The following FAM184A variants were observed in gnomAD, a reference collection of about 807,000 sequenced individuals.
FAM184A encodes family with sequence similarity 184 member A, also known as protein FAM184A.
Under a neutral mutation model 143.8 loss-of-function variants are expected in FAM184A, and 99 were observed. That is an observed-to-expected ratio of 0.69 (90% CI 0.58 to 0.81). The LOEUF (loss-of-function observed/expected upper bound fraction) is 0.81, where lower values mean the gene tolerates loss of function less well. FAM184A is among the 40% of genes least tolerant of loss of function. The probability of loss-of-function intolerance (pLI) is 0.00; values close to 1 mark genes in which losing one functional copy is unlikely to be tolerated. For missense variants in FAM184A, 1,217 were observed against 1,310.5 expected (o/e 0.93, Z 1.10); for synonymous variants, 427 against 446.4 (o/e 0.96, Z 0.55).
chr6:119,068,700 C>A (rs1300198546), intron 1 of FAM184A, among the ~76,000 whole-genome samples: 2 of 152,250 alleles, frequency 1.3e-5, no homozygotes, highest in South Asian at 4.2e-4. Context: ...CCATGAGAAA[C>A]CTAAACCTAA....
chr6:119,144,320 C>T (rs1157293437), intron 1 of FAM184A, among the ~76,000 whole-genome samples: 4 of 139,834 alleles, frequency 2.9e-5, no homozygotes, highest in South Asian at 2.2e-4. Flanking sequence ...GGCCACAGAA[C>T]GAGACTCTGA....
chr6:119,065,727 C>G (rs1352642241), intron 1 of FAM184A, among the ~76,000 whole-genome samples: 1 of 152,244 alleles, frequency 6.6e-6, no homozygotes, highest in East Asian at 1.9e-4. Flanking sequence ...CTCCTCAGAT[C>G]TGAGATTTCT....
chr6:119,098,698 G>A (rs1045379377), intron 1 of FAM184A, among the ~76,000 whole-genome samples: 5 of 152,174 alleles, frequency 3.3e-5, no homozygotes, highest in Non-Finnish European at 7.3e-5. Flanking sequence ...CTTCCTCCAG[G>A]TCCCTCAGGA....
At chr6:119,064,437 ATAC>A (rs1284766429) in intron 1 of FAM184A, among the ~76,000 whole-genome samples, 4 of 152,318 alleles carry the variant, frequency 2.6e-5, no homozygotes, top group African/African-American at 9.6e-5. Context: ...ATGGTGGCTT[ATAC>A]CTGTAATTCC....
rs552498120 is a variant in FAM184A, at chr6:119,116,141, G to C, written c.-202+32937C>G. Among the ~76,000 whole-genome samples the C allele has an allele frequency of 2.6e-5, 4 of 152,264 alleles. No individual in the cohort carries two copies. The South Asian group carries it at 8.3e-4, about 32-fold the overall frequency. ...AATTTCCTATCAGCTCCAAAGGAGA[G>C]AGAGCATGGCTTTTTGTAATGGCTT... is the stretch of plus-strand genomic sequence containing the variant. On this transcript the variant is annotated intron_variant, in intron 1 of 16. Transcript: ENST00000352896.
At chr6:119,109,193 C>T (rs1788867339) in intron 1 of FAM184A, among the ~76,000 whole-genome samples, 2 of 152,296 alleles carry the variant, frequency 1.3e-5, no homozygotes, top group South Asian at 4.1e-4. Context: ...ACACACTGTG[C>T]CACACTATTT....
intron 1 of FAM184A, among the ~76,000 whole-genome samples, chr6:119,077,765 G>A (rs1049706333): frequency 3.9e-5 from 6 of 152,222 alleles, no homozygotes; most frequent in Non-Finnish European, 7.3e-5. Context: ...GGTAAATACG[G>A]TACTGTACTT....
chr6:119,020,225 A>C, intron 3 of FAM184A, 66 bp from the exon 4 acceptor site: 1 of 1,256,364 alleles, frequency 8.0e-7, no homozygotes, highest in East Asian at 2.6e-5. Flanking sequence ...AACAGTTTAC[A>C]TTTAATAACA....
chr6:119,003,101 G>A, intron 8 of FAM184A, 52 bp from the exon 9 acceptor site: 11 of 1,476,548 alleles, frequency 7.4e-6, no homozygotes, highest in Non-Finnish European at 1.0e-5. Context: ...TCCTTTCACT[G>A]ACTGTAATAG....
chr6:119,043,362 G>GTT (rs765489581), intron 1 of FAM184A, among the ~76,000 whole-genome samples: 132 of 152,200 alleles, frequency 8.7e-4, no homozygotes, highest in Non-Finnish European at 1.5e-3. Context: ...ATTGCTCAAG[G>GTT]TAAGAACATG....
chr6:118,974,398 A>C (rs772152278), intron 14 of FAM184A, 30 bp downstream of exon 14: 1 of 1,579,480 alleles, frequency 6.3e-7, no homozygotes, highest in Non-Finnish European at 8.6e-7. Context: ...TATTATCCAC[A>C]TATGAATTTT....
At chr6:118,997,996 T>C (rs532047824) in intron 9 of FAM184A, among the ~76,000 whole-genome samples, 45 of 152,320 alleles carry the variant, frequency 3.0e-4, no homozygotes, top group African/African-American at 1.1e-3. Flanking sequence ...ATGCTGTTTC[T>C]TAGTCTAGTC....
In FAM184A at chr6:118,979,527, A is replaced by T; in HGVS notation, c.2302-9T>A. The T allele has an allele frequency of 6.3e-7, 1 of 1,584,058 alleles. No individual in the cohort carries two copies. Among genetic ancestry groups the T allele is most frequent in the East Asian group, 2.3e-5 (1 of 44,256 alleles). On this transcript the variant is annotated splice_polypyrimidine_tract_variant and intron_variant, in intron 10 of 17. Transcript: ENST00000338891. Reference sequence around the variant, plus strand: ...AAATGATTTTCAAGAGCCTAGAACAAGACAAATTCAAATTATTATGCTAGA... The same window carrying T: ...AAATGATTTTCAAGAGCCTAGAACATGACAAATTCAAATTATTATGCTAGA...
At chr6:119,061,299 T>C (rs72953076) in intron 1 of FAM184A, among the ~76,000 whole-genome samples, 2,023 of 152,218 alleles carry the variant, frequency 0.013, 19 homozygotes, top group Non-Finnish European at 0.019. Flanking sequence ...TGTGTTCACC[T>C]GCAAAGGCCA....
At chr6:119,022,753 T>A (rs1382085612) in intron 3 of FAM184A, among the ~76,000 whole-genome samples, 192 bp downstream of exon 3, 1 of 152,070 alleles carries the variant, frequency 6.6e-6, no homozygotes, top group Non-Finnish European at 1.5e-5. Flanking sequence ...GGCGGGCACC[T>A]GTAGTCCCAG....
chr6:118,983,381 T>TA lies in FAM184A; in HGVS notation c.2089-3032dup, dbSNP rs576451584. Reference sequence around the variant, plus strand: ...TAATGTAAAACTTTAACTCAAAAGATAAAAAACCTCTGCTTTAAAAGGTTT... The same window carrying TA: ...TAATGTAAAACTTTAACTCAAAAGATAAAAAAACCTCTGCTTTAAAAGGTTT... On this transcript the variant is annotated intron_variant, in intron 9 of 17. Coordinates refer to ENST00000338891, the MANE Select transcript of FAM184A (RefSeq NM_024581.6). Among the ~76,000 whole-genome samples, 592 of 152,204 alleles carry TA rather than the reference T, an allele frequency of 3.9e-3. 3 individuals are homozygous for TA. The highest frequency in any genetic ancestry group is 5.1e-3 in the Non-Finnish European group (347 of 67,952).
chr6:119,077,877 T>C (rs77686530), intron 1 of FAM184A, among the ~76,000 whole-genome samples: 4,844 of 152,336 alleles, frequency 0.032, 538 homozygotes, highest in Admixed American at 0.21. Context: ...AAATCCTAAT[T>C]TGTTCTGTGC....
At chr6:119,043,674 G>A (rs1205961426) in intron 1 of FAM184A, among the ~76,000 whole-genome samples, 1 of 152,200 alleles carries the variant, frequency 6.6e-6, no homozygotes, top group Non-Finnish European at 1.5e-5. Flanking sequence ...TGATAACCTA[G>A]TGAGGCTGGG....
chr6:119,076,399 C>T (rs528462680), intron 1 of FAM184A, among the ~76,000 whole-genome samples: 1 of 152,250 alleles, frequency 6.6e-6, no homozygotes, highest in South Asian at 2.1e-4. Context: ...AGAGCACTGG[C>T]CTGAGAGCAC....
Sources: allele counts gnomAD v4.1 joint callset (sites outside exome capture counted in the v4.1 genomes callset), GRCh38; gene constraint gnomAD v4.1.1; transcripts MANE v1.5; gene names NCBI Gene and HGNC (gene_info 2026-07-23, HGNC 2026-07-21).